SFI1: variants seen among roughly 807,000 people sequenced by gnomAD.
SFI1 encodes SFI1 centrin binding protein, also known as protein SFI1 homolog.
In SFI1, 195 loss-of-function variants were observed where a neutral mutation model predicts 207.5. The observed-to-expected ratio is 0.94, with a 90% CI of 0.84 to 1.06. The LOEUF is 1.06. Among genes scored for constraint, SFI1 ranks in the 50% least tolerant of loss-of-function variants. SFI1 has a pLI of 0.00. For missense variants in SFI1, 1,634 were observed against 1,588.0 expected (o/e 1.03, Z -0.49); for synonymous variants, 630 against 598.9 (o/e 1.05, Z -0.76).
intron 1 of SFI1, among the ~76,000 whole-genome samples, chr22:31,502,407 G>A (rs965674987): frequency 6.7e-6 from 1 of 149,938 alleles, no homozygotes; most frequent in Non-Finnish European, 1.5e-5. Context: ...GGAGTTTCAC[G>A]CTTGTCACCC....
Position 31,613,856 on chromosome 22 carries a change from G to A in SFI1, c.2996+1G>A. ...CTGAGGAGCCCCACGCCCTGGAGCT[G>A]TGAGTAGCCTGTGCTCACCTTGTCC... On this transcript the variant is annotated splice_donor_variant, in intron 27 of 32. Transcript: ENST00000400288. LOFTEE classifies it high-confidence loss of function. 1 of 1,596,576 alleles carries A rather than the reference G, an allele frequency of 6.3e-7. No individual in the cohort carries two copies. The highest frequency in any genetic ancestry group is 1.1e-5 in the South Asian group (1 of 89,694).
At chr22:31,540,161 G>A (rs1265117064) in intron 4 of SFI1, among the ~76,000 whole-genome samples, 4 of 101,756 alleles carry the variant, frequency 3.9e-5, no homozygotes, top group African/African-American at 1.6e-4. Context: ...AGACAAAAGA[G>A]ATACCCTCTA....
In SFI1 at chr22:31,617,106, C is replaced by G. The variant is rs771378632; in HGVS notation, c.3512+28C>G. The G allele has an allele frequency of 3.1e-6, 5 of 1,609,542 alleles. No individual in the cohort carries two copies. The Admixed American group carries it at 8.3e-5, about 27-fold the overall frequency. On this transcript the variant is annotated intron_variant, in intron 31 of 32. Transcript: ENST00000400288. ...GAGCCCTGCGAAACGCCCTGCAGCC[C>G]TGGCTACAGGAGCAGGTGTTGCCTG...
At position 31,557,022 on chromosome 22, in the gene SFI1, A is replaced by G; in HGVS notation, c.625A>G (p.Thr209Ala). 1 of 1,612,020 alleles carries G rather than the reference A, an allele frequency of 6.2e-7. No individual in the cohort carries two copies. The highest frequency in any genetic ancestry group is 1.3e-5 in the African/African-American group (1 of 75,012). ...TCGTAGGACCAAACTTCAGATGCAG[A>G]CTACAGCTCTGGAGTTTAGGCAACG... is the stretch of plus-strand genomic sequence containing the variant. Reference protein sequence around the residue: ...VVRRTKLQMQTTALEFRQRII... With the variant: ...VVRRTKLQMQATALEFRQRII... Residue 209 changes from threonine (T) to alanine (A), a missense_variant, in exon 7 of 33, where the codon ACT becomes GCT. Thr to Ala is a moderately conservative substitution (Grantham distance 58, BLOSUM62 0). Transcript: ENST00000400288.
rs1474321257 is a variant in SFI1 at position 31,614,037 on chromosome 22, GAA to G, written c.2996+183_2996+184del. On this transcript the variant is annotated intron_variant, in intron 27 of 32. Transcript: ENST00000400288. The stretch of plus-strand genomic sequence containing the variant: ...CATCCCTCCCACGGCAAGAGGGAGA[GAA>G]TGGAGTGGGATTTCCAAACCCTCTC... 3.0e-5 allele frequency: 24 copies of G among 804,604 alleles called. No individual in the cohort carries two copies. In the Admixed American group the frequency reaches 7.3e-4, roughly 25 times the overall value. 49.8% of individuals were successfully genotyped at this position (804,604 alleles called of 1,614,324 possible).
intron 2 of SFI1, 116 bp downstream of exon 2, chr22:31,508,492 T>C (rs967380145): frequency 7.2e-5 from 49 of 683,598 alleles, no homozygotes; most frequent in Non-Finnish European, 1.1e-4. Context: ...GTGGGTAAGT[T>C]TTTTTTGTCA....
chr22:31,505,473 AG>A (rs2054489720), intron 1 of SFI1, among the ~76,000 whole-genome samples: 1 of 151,220 alleles, frequency 6.6e-6, no homozygotes, highest in Non-Finnish European at 1.5e-5. Flanking sequence ...AATGAAAACT[AG>A]GCAAGGTGCA....
At chr22:31,526,479 TCCCTC>T (rs1474441322) in intron 2 of SFI1, among the ~76,000 whole-genome samples, 1 of 152,050 alleles carries the variant, frequency 6.6e-6, no homozygotes, top group Non-Finnish European at 1.5e-5. Flanking sequence ...TTCCATGAGG[TCCCTC>T]CCATGACACG....
chr22:31,520,708 T>A (rs2057124032), intron 2 of SFI1, among the ~76,000 whole-genome samples: 1 of 151,952 alleles, frequency 6.6e-6, no homozygotes, highest in African/African-American at 2.4e-5. Context: ...AATCCACTAC[T>A]TCCATTTGGG....
intron 1 of SFI1, among the ~76,000 whole-genome samples, chr22:31,501,432 A>G (rs777560943): frequency 1.1e-4 from 17 of 152,078 alleles, no homozygotes; most frequent in South Asian, 2.1e-4. Context: ...GGCCTCCCAA[A>G]GTGCTGGGAT....
intron 15 of SFI1, among the ~76,000 whole-genome samples, chr22:31,590,003 A>G (rs13057486): frequency 0.19 from 28,828 of 150,718 alleles, 3,544 homozygotes; most frequent in Non-Finnish European, 0.28. Context: ...GTCTGTGTCC[A>G]AAGGCCTGGG....
chr22:31,550,364 C>A lies in SFI1; in HGVS notation c.544+16C>A. ...GAGGTTCATGGTGAGAAAAAGAAGT[C>A]CATGTCTGAAGAAGATGCCCACATT... On this transcript the variant is annotated intron_variant, in intron 6 of 32. Transcript: ENST00000400288. 1.2e-6 allele frequency: 2 copies of A among 1,605,172 alleles called. No homozygotes were observed. Among genetic ancestry groups the A allele is most frequent in the Non-Finnish European group, 1.7e-6 (2 of 1,172,280 alleles).
rs190800097 is a variant in SFI1 at position 31,505,204 on chromosome 22, C to T, written c.-30-3051C>T. On this transcript the variant is annotated intron_variant, in intron 1 of 32. Coordinates refer to ENST00000400288, the MANE Select transcript of SFI1 (RefSeq NM_001007467.3). ...CTATAATCCCAGCACTTTGGGAGGCCGAGGTGGGCAGATCATTTAAGGTCA... is the reference window on the plus strand; with the variant it reads ...CTATAATCCCAGCACTTTGGGAGGCTGAGGTGGGCAGATCATTTAAGGTCA... Among the ~76,000 whole-genome samples, 55 of 151,986 alleles carry T rather than the reference C, an allele frequency of 3.6e-4. 1 individual carries two copies. In the East Asian group the frequency reaches 8.6e-3, roughly 24 times the overall value.
At chr22:31,522,098 T>G (rs185467384) in intron 2 of SFI1, among the ~76,000 whole-genome samples, 1 of 143,454 alleles carries the variant, frequency 7.0e-6, no homozygotes, top group Non-Finnish European at 1.5e-5. Context: ...GATGGACTTT[T>G]GCTCTGTCGC....
chr22:31,525,242 T>C (rs1471437552), intron 2 of SFI1, among the ~76,000 whole-genome samples: 1 of 152,236 alleles, frequency 6.6e-6, no homozygotes, highest in Non-Finnish European at 1.5e-5. Context: ...CCTAGACGTT[T>C]GAAGTATTTC....
intron 6 of SFI1, among the ~76,000 whole-genome samples, chr22:31,552,395 G>C (rs1446492460): frequency 6.6e-6 from 1 of 152,118 alleles, no homozygotes; most frequent in African/African-American, 2.4e-5. Flanking sequence ...TGGGACTACA[G>C]GCGTGTGCCA....
chr22:31,605,041 G>T, intron 20 of SFI1, 96 bp downstream of exon 20: 1 of 1,113,690 alleles, frequency 9.0e-7, no homozygotes, highest in Non-Finnish European at 1.3e-6. Flanking sequence ...GGCCAGGTCG[G>T]GGATGATCCC....
intron 15 of SFI1, among the ~76,000 whole-genome samples, chr22:31,594,045 T>C (rs1218737589): frequency 6.7e-6 from 1 of 150,310 alleles, no homozygotes; most frequent in Non-Finnish European, 1.5e-5. Context: ...CCATCTTTAT[T>C]TCAAGGGCTT....
chr22:31,609,118 C>T (rs2069607542), intron 22 of SFI1, among the ~76,000 whole-genome samples: 2 of 152,070 alleles, frequency 1.3e-5, no homozygotes, highest in Admixed American at 6.5e-5. Flanking sequence ...CCTGCCTCAG[C>T]CTCCAGAGTA....
Sources: allele counts gnomAD v4.1 joint callset (sites outside exome capture counted in the v4.1 genomes callset), GRCh38; gene constraint gnomAD v4.1.1; transcripts MANE v1.5; gene names NCBI Gene and HGNC (gene_info 2026-07-23, HGNC 2026-07-21).